The following DDHD1 variants were observed in gnomAD, a reference collection of about 807,000 sequenced individuals.
DDHD1 encodes DDHD domain containing 1, also known as phospholipase DDHD1.
In DDHD1, 49 loss-of-function variants were observed where a neutral mutation model predicts 96.4. That is an observed-to-expected ratio of 0.51 (90% CI 0.40 to 0.64). The LOEUF (loss-of-function observed/expected upper bound fraction) is 0.64. DDHD1 is among the 30% of genes least tolerant of loss of function. The probability of loss-of-function intolerance (pLI) is 0.00; values close to 1 mark genes in which losing one functional copy is unlikely to be tolerated. For missense variants in DDHD1, 1,106 were observed against 1,161.2 expected, an observed-to-expected ratio of 0.95 and a Z score of 0.69; for synonymous variants, 442 against 446.5, an observed-to-expected ratio of 0.99 and a Z score of 0.13.
chr14:53,059,470 C>T (rs1267244456), intron 8 of DDHD1, among the ~76,000 whole-genome samples: 3 of 151,592 alleles, frequency 2.0e-5, no homozygotes, highest in Non-Finnish European at 4.4e-5. Flanking sequence ...TAGTCTCGAT[C>T]TCCTGACCTC....
At chr14:53,080,963 AT>A (rs1470352970) in intron 4 of DDHD1, among the ~76,000 whole-genome samples, 1 of 152,048 alleles carries the variant, frequency 6.6e-6, no homozygotes, top group South Asian at 2.1e-4. Flanking sequence ...GATCCAATTA[AT>A]TTTTTTCTAT....
chr14:53,070,188 T>G (rs1385691203), intron 6 of DDHD1, among the ~76,000 whole-genome samples: 1 of 152,186 alleles, frequency 6.6e-6, no homozygotes, highest in South Asian at 2.1e-4. Flanking sequence ...TGGTTTTACT[T>G]TTAATATTAT....
Position 53,044,100 on chromosome 14 carries a change from T to C in DDHD1, c.*2668A>G, listed in dbSNP as rs1482075824. The C allele has an allele frequency of 6.6e-6, 1 of 152,206 alleles. No homozygotes were observed. The allele number at this position is 152,206 out of a possible 1,614,324, so 9.4% of individuals were successfully genotyped here. A position where few individuals can be genotyped will look rare whatever the true frequency, so the allele number is the denominator to read the frequency against. On this transcript the variant is annotated 3_prime_UTR_variant, in exon 13 of 13. Transcript: ENST00000673822. ...TCAAGCCAGAATGACACACAGTCTG[T>C]ATATTAATTAAGTATATACAAATAC...
At chr14:53,052,719 A>G (rs545708385) in intron 11 of DDHD1, 1 of 152,082 alleles carries the variant, frequency 6.6e-6, no homozygotes, top group South Asian at 2.1e-4. Context: ...CTAGAGGTGA[A>G]TATGTGTAAT....
intron 4 of DDHD1, among the ~76,000 whole-genome samples, chr14:53,083,432 T>C (rs775094178): frequency 2.0e-5 from 3 of 152,242 alleles, no homozygotes; most frequent in Non-Finnish European, 4.4e-5. Context: ...TTATCCCTTT[T>C]AGTAAACTAA....
At chr14:53,065,801 T>C (rs931260673) in intron 6 of DDHD1, among the ~76,000 whole-genome samples, 45 of 152,206 alleles carry the variant, frequency 3.0e-4, no homozygotes, top group African/African-American at 1.1e-3. Flanking sequence ...TTTTAAAGTG[T>C]CCACTTCTAT....
chr14:53,090,803 G>A (rs113669171), intron 4 of DDHD1, among the ~76,000 whole-genome samples: 2,709 of 152,030 alleles, frequency 0.018, 88 homozygotes, highest in African/African-American at 0.06. Context: ...GCAAACCAAC[G>A]TGGCACATGT....
chr14:53,115,179 A>C (rs1888448518), intron 1 of DDHD1, among the ~76,000 whole-genome samples: 1 of 152,196 alleles, frequency 6.6e-6, no homozygotes, highest in South Asian at 2.1e-4. Flanking sequence ...TTAGAGAAAA[A>C]AAGAATGAAA....
At chr14:53,060,263 G>T (rs879457013) in intron 8 of DDHD1, among the ~76,000 whole-genome samples, 10 of 152,090 alleles carry the variant, frequency 6.6e-5, no homozygotes, top group Admixed American at 6.5e-5. Flanking sequence ...TCAGCTATAG[G>T]GTATGTCCTT....
At chr14:53,137,105 A>C (rs1320894716) in intron 1 of DDHD1, among the ~76,000 whole-genome samples, 1 of 152,172 alleles carries the variant, frequency 6.6e-6, no homozygotes, top group Non-Finnish European at 1.5e-5. Context: ...CCTAAAATGA[A>C]CTTCTAGAGA....
chr14:53,109,486 G>GTT (rs1887948450), intron 1 of DDHD1, among the ~76,000 whole-genome samples: 1 of 152,144 alleles, frequency 6.6e-6, no homozygotes, highest in South Asian at 2.1e-4. Context: ...CCATTGTAAT[G>GTT]TGCTATTTCC....
At chr14:53,120,239 C>A (rs1888880598) in intron 1 of DDHD1, among the ~76,000 whole-genome samples, 2 of 152,212 alleles carry the variant, frequency 1.3e-5, no homozygotes, top group South Asian at 4.1e-4. Context: ...ATACAACTTA[C>A]AAGGGACGTG....
intron 4 of DDHD1, 75 bp downstream of exon 4, chr14:53,091,710 G>A: frequency 6.8e-7 from 1 of 1,464,598 alleles, no homozygotes; most frequent in Non-Finnish European, 9.3e-7. Context: ...TTAGTATACT[G>A]TTAATATCTC....
At chr14:53,067,503 G>C (rs1884141994) in intron 6 of DDHD1, among the ~76,000 whole-genome samples, 1 of 150,684 alleles carries the variant, frequency 6.6e-6, no homozygotes, top group Non-Finnish European at 1.5e-5. Context: ...TGTCACCCAG[G>C]CTGCAGTGCA....
chr14:53,117,959 G>A (rs1888679360), intron 1 of DDHD1, among the ~76,000 whole-genome samples: 1 of 152,164 alleles, frequency 6.6e-6, no homozygotes, highest in South Asian at 2.1e-4. Flanking sequence ...GCTTCCAGAG[G>A]AAGGATCAAG....
chr14:53,055,512 C>G (rs1882966836), intron 10 of DDHD1, 148 bp downstream of exon 10: 1 of 774,612 alleles, frequency 1.3e-6, no homozygotes, highest in Non-Finnish European at 2.0e-6. Context: ...TTTTGGGCCT[C>G]AAATATGAAC....
rs1881727029 is a variant in DDHD1, at chr14:53,042,497, A to G, written c.*4271T>C. On this transcript the variant is annotated 3_prime_UTR_variant, in exon 13 of 13. Transcript: ENST00000673822. ...ATTTAAATGCTGACATGATACTGTA[A>G]CAGGGTTGGATTAAATGATCTCTAA... The G allele has an allele frequency of 6.6e-6, 1 of 152,196 alleles. No homozygotes were observed. The highest frequency in any genetic ancestry group is 2.4e-5 in the African/African-American group (1 of 41,442). The allele number at this position is 152,196 out of a possible 1,614,324, so 9.4% of individuals were successfully genotyped here. A position where few individuals can be genotyped will look rare whatever the true frequency, so the allele number is the denominator to read the frequency against.
chr14:53,152,209 T>C lies in DDHD1; in HGVS notation c.838+52A>G, dbSNP rs748130641. 433 of 1,510,388 alleles carry C rather than the reference T, an allele frequency of 2.9e-4. 1 individual carries two copies. The highest frequency in any genetic ancestry group is 3.7e-4 in the Non-Finnish European group (414 of 1,124,086). 93.6% of individuals were successfully genotyped at this position (1,510,388 alleles called of 1,614,324 possible). On this transcript the variant is annotated intron_variant, in intron 1 of 12. Transcript: ENST00000673822. ...AGTCCCAAACCCACACCGGTGCGCA[T>C]CGGCCCATGCAGGGGCAGCCCGTCC...
chr14:53,067,423 G>A (rs1884130632), intron 6 of DDHD1, among the ~76,000 whole-genome samples: 1 of 150,984 alleles, frequency 6.6e-6, no homozygotes, highest in Non-Finnish European at 1.5e-5. Flanking sequence ...CTCCCAAAGT[G>A]CTGGGATTAC....
Sources: gnomAD v4.1 joint callset for allele counts (sites outside exome capture counted in the v4.1 genomes callset) on GRCh38, gnomAD v4.1.1 for gene constraint, MANE v1.5 for transcripts, NCBI Gene and HGNC (gene_info 2026-07-23, HGNC 2026-07-21) for gene names.